ZNF385D: variants seen among roughly 807,000 people sequenced by gnomAD.
ZNF385D encodes the protein zinc finger protein 385D.
In ZNF385D, 15 loss-of-function variants were observed where a neutral mutation model predicts 35.8. The observed-to-expected ratio is 0.42, with a 90% confidence interval of 0.28 to 0.64. ZNF385D has a LOEUF of 0.64. ZNF385D is among the 30% of genes least tolerant of loss of function. The pLI is 0.23. For missense variants in ZNF385D, 474 were observed against 494.6 expected, an observed-to-expected ratio of 0.96 and a Z score of 0.39; for synonymous variants, 212 against 186.8, an observed-to-expected ratio of 1.13 and a Z score of -1.10.
chr3:22,258,042 G>C (rs1473998734), intron 2 of ZNF385D, among the ~76,000 whole-genome samples: 1 of 151,824 alleles, frequency 6.6e-6, no homozygotes, highest in Non-Finnish European at 1.5e-5. Context: ...ACAAAGATCA[G>C]AGTTAAATGT....
chr3:21,882,655 G>T (rs1698339593), intron 3 of ZNF385D, among the ~76,000 whole-genome samples: 1 of 151,924 alleles, frequency 6.6e-6, no homozygotes, highest in African/African-American at 2.4e-5. Context: ...ATTTTAACAA[G>T]ATCCCCTGAT....
At chr3:21,962,017 C>T (rs259567) in intron 3 of ZNF385D, among the ~76,000 whole-genome samples, 8,544 of 152,074 alleles carry the variant, frequency 0.056, 397 homozygotes, top group African/African-American at 0.12. Context: ...GAGCCTTAAT[C>T]CTAAGAGCAA....
intron 3 of ZNF385D, among the ~76,000 whole-genome samples, chr3:21,855,718 G>A (rs1046222604): frequency 6.6e-6 from 1 of 151,980 alleles, no homozygotes; most frequent in Non-Finnish European, 1.5e-5. Flanking sequence ...GGTACAGAAT[G>A]AGAAGGTGAT....
intron 2 of ZNF385D, among the ~76,000 whole-genome samples, chr3:22,211,384 T>G (rs1697512955): frequency 6.6e-6 from 1 of 152,056 alleles, no homozygotes; most frequent in Admixed American, 6.6e-5. Context: ...CCCTGAGCCC[T>G]CCTGAGTGGT....
chr3:22,139,009 A>T (rs1704327980), intron 3 of ZNF385D, among the ~76,000 whole-genome samples: 1 of 152,228 alleles, frequency 6.6e-6, no homozygotes, highest in Non-Finnish European at 1.5e-5. Flanking sequence ...TGGGCAAAGG[A>T]TATGAACAGA....
chr3:22,123,161 G>T (rs1703193739), intron 3 of ZNF385D, among the ~76,000 whole-genome samples: 1 of 152,052 alleles, frequency 6.6e-6, no homozygotes, highest in African/African-American at 2.4e-5. Context: ...GATGCAATGG[G>T]ATGAGACAGG....
At chr3:21,485,465 T>G (rs1220164376) in intron 4 of ZNF385D, among the ~76,000 whole-genome samples, 1 of 152,152 alleles carries the variant, frequency 6.6e-6, no homozygotes, top group Non-Finnish European at 1.5e-5. Flanking sequence ...TTCTTACCTT[T>G]CTGGCACATC....
chr3:22,110,453 C>G (rs1432707425), intron 3 of ZNF385D, among the ~76,000 whole-genome samples: 2 of 152,180 alleles, frequency 1.3e-5, no homozygotes, highest in African/African-American at 4.8e-5. Context: ...GAATACTATG[C>G]AGCCATAAAA....
chr3:22,248,577 C>G (rs1050918119), intron 2 of ZNF385D, among the ~76,000 whole-genome samples: 3 of 151,886 alleles, frequency 2.0e-5, no homozygotes, highest in African/African-American at 7.3e-5. Context: ...GGAGGCAAGG[C>G]TTTTGGATTT....
chr3:21,959,776 G>A (rs1461925939), intron 3 of ZNF385D, among the ~76,000 whole-genome samples: 1 of 152,104 alleles, frequency 6.6e-6, no homozygotes, highest in Admixed American at 6.6e-5. Context: ...TCACTCCAAG[G>A]CAAAATAGAG....
intron 4 of ZNF385D, among the ~76,000 whole-genome samples, chr3:21,496,251 AAT>A (rs550652305): frequency 3.2e-4 from 47 of 147,100 alleles, no homozygotes; most frequent in African/African-American, 1.1e-3. Flanking sequence ...AAAGTAAATA[AAT>A]ATATATATAA....
chr3:21,837,213 G>C (rs1017562083), intron 3 of ZNF385D, among the ~76,000 whole-genome samples: 1 of 152,034 alleles, frequency 6.6e-6, no homozygotes, highest in Non-Finnish European at 1.5e-5. Context: ...ATCTATTCTA[G>C]CAGTTGAAAG....
At chr3:22,210,580 C>T (rs1697454549) in intron 2 of ZNF385D, among the ~76,000 whole-genome samples, 1 of 151,818 alleles carries the variant, frequency 6.6e-6, no homozygotes, top group Admixed American at 6.6e-5. Flanking sequence ...GTCTCCAATC[C>T]ATTGGACTAA....
At chr3:22,310,938 GT>G (rs1212924618) in intron 2 of ZNF385D, among the ~76,000 whole-genome samples, 1 of 151,592 alleles carries the variant, frequency 6.6e-6, no homozygotes, top group Admixed American at 6.6e-5. Context: ...TGTTTATGAA[GT>G]TTTTGATGTT....
intron 3 of ZNF385D, among the ~76,000 whole-genome samples, chr3:22,041,378 G>T (rs567825987): frequency 6.6e-6 from 1 of 152,128 alleles, no homozygotes. Flanking sequence ...CACAGGAATT[G>T]CAAGTTGGAG....
intron 2 of ZNF385D, among the ~76,000 whole-genome samples, chr3:22,277,168 G>C (rs964475886): frequency 6.6e-6 from 1 of 152,070 alleles, no homozygotes; most frequent in Admixed American, 6.6e-5. Flanking sequence ...AAATGAAATA[G>C]AGATTTCAGG....
At chr3:22,209,450 A>AT (rs1553629678) in intron 2 of ZNF385D, among the ~76,000 whole-genome samples, 1 of 151,856 alleles carries the variant, frequency 6.6e-6, no homozygotes, top group Non-Finnish European at 1.5e-5. Flanking sequence ...ATTATTAATG[A>AT]TTTTTAAGTC....
chr3:21,558,733 T>C (rs1159032179), intron 3 of ZNF385D, among the ~76,000 whole-genome samples: 1 of 96,986 alleles, frequency 1.0e-5, no homozygotes, highest in East Asian at 3.3e-4. Context: ...CTAATATTGA[T>C]AGTGCACTGT....
At chr3:21,551,291 G>T (rs1183320545) in intron 3 of ZNF385D, among the ~76,000 whole-genome samples, 2 of 152,168 alleles carry the variant, frequency 1.3e-5, no homozygotes, top group African/African-American at 4.8e-5. Context: ...ACCAGATGAA[G>T]CACAAACAGC....
Sources: gnomAD v4.1 joint callset for allele counts (sites outside exome capture counted in the v4.1 genomes callset) on GRCh38, gnomAD v4.1.1 for gene constraint, MANE v1.5 for transcripts, NCBI Gene and HGNC (gene_info 2026-07-23, HGNC 2026-07-21) for gene names.